The following CFAP20DC variants were observed in gnomAD, a reference collection of about 807,000 sequenced individuals.
The protein encoded by CFAP20DC is protein CFAP20DC.
A neutral mutation model predicts 101.7 loss-of-function variants in CFAP20DC; 84 were observed. The observed-to-expected ratio is 0.83, with a 90% CI of 0.69 to 0.99. CFAP20DC has a LOEUF of 0.99. Ranked by LOEUF, CFAP20DC falls within the 50% of genes least tolerant of loss-of-function variation. The pLI is 0.00. For missense variants in CFAP20DC, 1,007 were observed against 970.3 expected, an observed-to-expected ratio of 1.04 and a Z score of -0.50; for synonymous variants, 359 against 351.2, an observed-to-expected ratio of 1.02 and a Z score of -0.25.
intron 4 of CFAP20DC, among the ~76,000 whole-genome samples, chr3:59,026,450 T>C (rs1468960632): frequency 6.6e-6 from 1 of 152,186 alleles, no homozygotes; most frequent in Non-Finnish European, 1.5e-5. Flanking sequence ...AAGCAACCAC[T>C]ATTTTCTTTA....
At chr3:58,906,626 T>C (rs2083612606) in intron 6 of CFAP20DC, among the ~76,000 whole-genome samples, 1 of 152,174 alleles carries the variant, frequency 6.6e-6, no homozygotes, top group African/African-American at 2.4e-5. Context: ...TATTAATACT[T>C]TTCCTTCAAG....
chr3:58,997,721 T>C (rs1166998102), intron 4 of CFAP20DC, among the ~76,000 whole-genome samples: 1 of 152,198 alleles, frequency 6.6e-6, no homozygotes, highest in East Asian at 1.9e-4. Flanking sequence ...TTTAAGGACC[T>C]CTAAGCCTTG....
chr3:58,991,859 G>A (rs2092949796), intron 4 of CFAP20DC, among the ~76,000 whole-genome samples: 1 of 151,986 alleles, frequency 6.6e-6, no homozygotes, highest in Non-Finnish European at 1.5e-5. Context: ...CAGGGCTCGG[G>A]GACCCCTGAC....
chr3:58,938,291 G>A (rs1468003171), intron 4 of CFAP20DC, among the ~76,000 whole-genome samples: 1 of 152,084 alleles, frequency 6.6e-6, no homozygotes, highest in Non-Finnish European at 1.5e-5. Context: ...CAACTTTATC[G>A]CTCACTATTC....
chr3:58,968,476 T>A (rs917433552), intron 4 of CFAP20DC, among the ~76,000 whole-genome samples: 2 of 152,252 alleles, frequency 1.3e-5, no homozygotes, highest in Non-Finnish European at 2.9e-5. Flanking sequence ...TATTGAGCTT[T>A]TTTTCATATG....
intron 3 of CFAP20DC, among the ~76,000 whole-genome samples, chr3:58,736,943 T>C (rs183847992): frequency 8.1e-4 from 123 of 152,340 alleles, no homozygotes; most frequent in Middle Eastern, 3.4e-3. Flanking sequence ...GATTCTAAAT[T>C]ACATTAAAAC....
chr3:58,810,990 C>T (rs1187655014), intron 14 of CFAP20DC, among the ~76,000 whole-genome samples: 1 of 152,100 alleles, frequency 6.6e-6, no homozygotes, highest in South Asian at 2.1e-4. Flanking sequence ...AGGAATCCAA[C>T]TTACAAGGGA....
At chr3:58,982,721 G>T (rs375397825) in intron 4 of CFAP20DC, among the ~76,000 whole-genome samples, 2 of 101,286 alleles carry the variant, frequency 2.0e-5, no homozygotes, top group African/African-American at 7.6e-5. Context: ...GTGGGGGGAG[G>T]GGGGAGGGAT....
chr3:58,742,692 G>A, intron 16 of CFAP20DC, 120 bp from the exon 17 acceptor site: 2 of 570,868 alleles, frequency 3.5e-6, no homozygotes, highest in Non-Finnish European at 5.8e-6. Flanking sequence ...CAGGTAGAAG[G>A]TTTAGGCCTG....
At chr3:58,931,394 CT>C (rs1248086989) in intron 5 of CFAP20DC, among the ~76,000 whole-genome samples, 2 of 152,336 alleles carry the variant, frequency 1.3e-5, no homozygotes, top group African/African-American at 4.8e-5. Context: ...TTAAATGTCC[CT>C]GTCTGACAGC....
chr3:58,755,625 C>G (rs768805427), intron 15 of CFAP20DC, among the ~76,000 whole-genome samples: 1 of 152,108 alleles, frequency 6.6e-6, no homozygotes, highest in Non-Finnish European at 1.5e-5. Flanking sequence ...ATAATTTGAT[C>G]AATGTTTTTC....
rs1276757287 is a variant in CFAP20DC, at chr3:58,869,343, T to C, written c.1000A>G (p.Thr334Ala). The change falls in exon 9 of 17, where the codon ACT (threonine) becomes GCT (alanine). Residue 334 changes from threonine (T) to alanine (A), a missense_variant. Coordinates refer to ENST00000482387, the MANE Select transcript of CFAP20DC (RefSeq NM_001394063.1). This position sits in a 1 kb window ranked among gnomAD's most constrained non-coding sequence, Gnocchi z 4.3. ...TATTTCTTACCATGAATAGGTACAG[T>C]CTGCTTTATTTGGTGAATATTTTCT... is the stretch of plus-strand genomic sequence containing the variant. ...NKENIHQIKQTVPIHAANLHI... is the reference protein window; with the variant it reads ...NKENIHQIKQAVPIHAANLHI... The C allele has an allele frequency of 3.1e-6, 5 of 1,612,914 alleles. No homozygotes were observed. Among genetic ancestry groups the C allele is most frequent in the Admixed American group, 1.7e-5 (1 of 59,928 alleles).
At chr3:58,770,151 T>C (rs2107486802) in intron 15 of CFAP20DC, among the ~76,000 whole-genome samples, 1 of 152,356 alleles carries the variant, frequency 6.6e-6, no homozygotes, top group Middle Eastern at 3.4e-3. Context: ...CATATGTAGA[T>C]AATTCAACTC....
intron 15 of CFAP20DC, among the ~76,000 whole-genome samples, chr3:58,802,701 A>AAGTC (rs2073797272): frequency 6.6e-6 from 1 of 152,226 alleles, no homozygotes; most frequent in Admixed American, 6.5e-5. Flanking sequence ...ATCCAATGTC[A>AAGTC]AACACTGCCC....
chr3:58,964,511 G>A lies in CFAP20DC; in HGVS notation c.279-26749C>T, dbSNP rs551696768. Among the ~76,000 whole-genome samples the A allele has an allele frequency of 4.8e-4, 73 of 152,130 alleles. 1 individual carries two copies. The South Asian group carries it at 0.014, about 30-fold the overall frequency. On this transcript the variant is annotated intron_variant, in intron 4 of 16. Coordinates refer to ENST00000482387, the MANE Select transcript of CFAP20DC (RefSeq NM_001394063.1). This position sits in a 1 kb window ranked among gnomAD's most constrained non-coding sequence, Gnocchi z 4.1. ...TTCCTATCTTATCCCTTCCTTCCTCGAAGTGCTTGCTTTGGGTTTTAAGCT... is the reference window on the plus strand; with the variant it reads ...TTCCTATCTTATCCCTTCCTTCCTCAAAGTGCTTGCTTTGGGTTTTAAGCT...
At position 58,882,935 on chromosome 3, in the gene CFAP20DC, T is replaced by A. The variant is rs17059928; in HGVS notation, c.715+1610A>T. On this transcript the variant is annotated intron_variant, in intron 7 of 16. Coordinates refer to ENST00000482387, the MANE Select transcript of CFAP20DC (RefSeq NM_001394063.1). The surrounding 1 kb of genome is among the most constrained non-coding windows in gnomAD (Gnocchi z 4.2). ...TGTACTGCTTATTTATACATAGTCA[T>A]CTGCAGGATTTATACTGAAAAGGTT... is the stretch of plus-strand genomic sequence containing the variant. Among the ~76,000 whole-genome samples the A allele has an allele frequency of 6.8e-3, 1,043 of 152,316 alleles. 7 individuals carry two copies. The highest frequency in any genetic ancestry group is 0.024 in the African/African-American group (1,005 of 41,566).
intron 15 of CFAP20DC, among the ~76,000 whole-genome samples, chr3:58,772,034 C>A (rs1255379637): frequency 1.3e-5 from 2 of 152,198 alleles, no homozygotes; most frequent in Admixed American, 1.3e-4. Flanking sequence ...TGGACCCCAG[C>A]AACAGAAACT....
intron 5 of CFAP20DC, among the ~76,000 whole-genome samples, chr3:58,936,929 CAA>C (rs1320619507): frequency 7.6e-6 from 1 of 131,878 alleles, no homozygotes; most frequent in Non-Finnish European, 1.7e-5. Flanking sequence ...ATAATAATAA[CAA>C]AATTAAAAAA....
rs575301655 is a variant in CFAP20DC at position 58,728,909 on chromosome 3, A to G, written c.198-11281T>C. ...GACTCAGAGCTGGTCTGTGTGACCA[A>G]TCAAGTATGGATGATGATGATGTGT... On this transcript the variant is annotated intron_variant, in intron 3 of 3. Transcript: ENST00000486145. This position sits in a 1 kb window ranked among gnomAD's most constrained non-coding sequence, Gnocchi z 4.7. 5.1e-4 allele frequency among the ~76,000 whole-genome samples: 77 copies of G among 152,258 alleles called. No homozygotes were observed. Among genetic ancestry groups the G allele is most frequent in the Non-Finnish European group, 8.5e-4 (58 of 68,024 alleles).
Sources: allele counts gnomAD v4.1 joint callset (sites outside exome capture counted in the v4.1 genomes callset), GRCh38; gene constraint gnomAD v4.1.1; non-coding constraint Gnocchi (gnomAD v3.1); transcripts MANE v1.5; gene names NCBI Gene and HGNC (gene_info 2026-07-23, HGNC 2026-07-21).